The following PCDH15 variants were observed in gnomAD, a reference collection of about 807,000 sequenced individuals.
PCDH15 encodes the protein protocadherin related 15, also known as protocadherin-15.
PCDH15 carries 129 observed loss-of-function variants against 178.5 expected under a neutral mutation model. The observed-to-expected ratio is 0.72, with a 90% CI of 0.63 to 0.84. PCDH15 has a LOEUF of 0.84. Among genes scored for constraint, PCDH15 ranks in the 40% least tolerant of loss-of-function variants. The pLI is 0.00. For missense variants in PCDH15, 2,230 were observed against 2,099.9 expected, an observed-to-expected ratio of 1.06 and a Z score of -1.21; for synonymous variants, 800 against 732.0, an observed-to-expected ratio of 1.09 and a Z score of -1.50.
chr10:55,433,937 T>A (rs533555820), intron 2 of PCDH15, among the ~76,000 whole-genome samples: 4 of 152,228 alleles, frequency 2.6e-5, no homozygotes, highest in Non-Finnish European at 5.9e-5. Flanking sequence ...GAAGTCCTCA[T>A]ATATGTGTGG....
chr10:54,413,952 C>T (rs1408431510), intron 3 of PCDH15, among the ~76,000 whole-genome samples: 2 of 152,082 alleles, frequency 1.3e-5, no homozygotes, highest in African/African-American at 2.4e-5. Flanking sequence ...TTACACTGGA[C>T]ATTTGGTAAT....
At chr10:55,484,899 G>A (rs749719090) in intron 2 of PCDH15, among the ~76,000 whole-genome samples, 1 of 151,590 alleles carries the variant, frequency 6.6e-6, no homozygotes, top group Non-Finnish European at 1.5e-5. Flanking sequence ...ATGAATAAGA[G>A]TTAAATCTAA....
chr10:54,152,520 A>G (rs934672238), intron 14 of PCDH15, among the ~76,000 whole-genome samples: 5 of 152,000 alleles, frequency 3.3e-5, no homozygotes, highest in Non-Finnish European at 7.4e-5. Context: ...ATTCATTGTG[A>G]ATGGAAAAAA....
intron 2 of PCDH15, among the ~76,000 whole-genome samples, chr10:55,018,412 T>C (rs566930355): frequency 1.3e-5 from 2 of 152,284 alleles, no homozygotes; most frequent in East Asian, 1.9e-4. Context: ...TTATTTTTAA[T>C]ACCTAATACA....
chr10:55,025,945 C>T (rs1055214788), intron 2 of PCDH15, among the ~76,000 whole-genome samples: 1 of 151,588 alleles, frequency 6.6e-6, no homozygotes, highest in Non-Finnish European at 1.5e-5. Context: ...AGTCATTTCA[C>T]AATACTTTGT....
Position 54,311,648 on chromosome 10 carries a change from A to G in PCDH15, c.876+5623T>C, listed in dbSNP as rs1591736075. 3.3e-5 allele frequency among the ~76,000 whole-genome samples: 5 copies of G among 152,236 alleles called. No individual in the cohort carries two copies. In the East Asian group the frequency reaches 9.7e-4, roughly 29 times the overall value. On this transcript the variant is annotated intron_variant, in intron 8 of 37. Transcript: ENST00000644397. ...TCCTATAGAAATTTATCAAATTAAT[A>G]CTAAATTAGCAGAGTACTATGAATT... is the stretch of plus-strand genomic sequence containing the variant.
chr10:54,900,025 GA>G (rs1266005246), intron 2 of PCDH15, among the ~76,000 whole-genome samples: 2 of 151,582 alleles, frequency 1.3e-5, no homozygotes, highest in Non-Finnish European at 2.9e-5. Flanking sequence ...TTAACTGTAA[GA>G]AAAAAAATTA....
At chr10:55,293,475 C>A (rs1030356328) in intron 1 of PCDH15, among the ~76,000 whole-genome samples, 1 of 152,184 alleles carries the variant, frequency 6.6e-6, no homozygotes, top group Non-Finnish European at 1.5e-5. Flanking sequence ...ATGGGATATT[C>A]TTTTCTATCG....
intron 1 of PCDH15, among the ~76,000 whole-genome samples, chr10:54,708,708 A>G (rs2095393218): frequency 6.6e-6 from 1 of 151,896 alleles, no homozygotes. Flanking sequence ...AAACTGAACT[A>G]TTTCAAATAT....
chr10:54,268,410 A>G (rs1474486915), intron 8 of PCDH15, among the ~76,000 whole-genome samples: 3 of 151,956 alleles, frequency 2.0e-5, no homozygotes, highest in African/African-American at 7.2e-5. Flanking sequence ...GCAACAAAAA[A>G]CAAAAATTGA....
intron 2 of PCDH15, among the ~76,000 whole-genome samples, chr10:55,324,973 TG>T (rs1185567670): frequency 6.6e-6 from 1 of 151,884 alleles, no homozygotes; most frequent in Admixed American, 6.6e-5. Flanking sequence ...CATTCACAAT[TG>T]CCACAAGAAG....
At chr10:54,759,719 C>G (rs1947622721) in intron 1 of PCDH15, among the ~76,000 whole-genome samples, 1 of 152,180 alleles carries the variant, frequency 6.6e-6, no homozygotes, top group Non-Finnish European at 1.5e-5. Context: ...ACTATCAGGA[C>G]ATAAAATCTT....
At chr10:54,106,168 G>C (rs1397951020) in intron 15 of PCDH15, among the ~76,000 whole-genome samples, 1 of 152,066 alleles carries the variant, frequency 6.6e-6, no homozygotes, top group Non-Finnish European at 1.5e-5. Context: ...TTTATGGTGT[G>C]ATACAAATAT....
At chr10:54,781,330 G>A (rs962025461) in intron 1 of PCDH15, among the ~76,000 whole-genome samples, 4 of 151,724 alleles carry the variant, frequency 2.6e-5, no homozygotes, top group East Asian at 3.9e-4. Flanking sequence ...ACCATCCCCC[G>A]ACAGGCCCTA....
chr10:54,782,321 A>C (rs1950443270), intron 1 of PCDH15, among the ~76,000 whole-genome samples: 1 of 151,936 alleles, frequency 6.6e-6, no homozygotes, highest in African/African-American at 2.4e-5. Context: ...TTCACTTAAA[A>C]CTCTGTGAGC....
At chr10:54,756,111 A>G (rs745570255) in intron 1 of PCDH15, among the ~76,000 whole-genome samples, 1 of 150,498 alleles carries the variant, frequency 6.6e-6, no homozygotes, top group East Asian at 2.0e-4. Context: ...TTAGCTGGGC[A>G]TGGTGGCAGG....
chr10:55,136,114 T>C (rs1838191219), intron 2 of PCDH15, among the ~76,000 whole-genome samples: 2 of 152,084 alleles, frequency 1.3e-5, no homozygotes. Flanking sequence ...ATTATGAAAA[T>C]AATAATCCTA....
chr10:54,573,531 A>C (rs2133623732), intron 2 of PCDH15, among the ~76,000 whole-genome samples: 1 of 152,292 alleles, frequency 6.6e-6, no homozygotes, highest in Middle Eastern at 3.4e-3. Context: ...CTGAAGGTGA[A>C]TTCAGATTCT....
intron 13 of PCDH15, among the ~76,000 whole-genome samples, chr10:54,159,565 C>A (rs1020523745): frequency 6.6e-5 from 10 of 152,042 alleles, no homozygotes; most frequent in Admixed American, 2.6e-4. Flanking sequence ...ACCGTAAGAA[C>A]CCTAAATATA....
Sources: gnomAD v4.1 joint callset for allele counts (sites outside exome capture counted in the v4.1 genomes callset) on GRCh38, gnomAD v4.1.1 for gene constraint, MANE v1.5 for transcripts, NCBI Gene and HGNC (gene_info 2026-07-23, HGNC 2026-07-21) for gene names.